BBS9: variants seen among roughly 807,000 people sequenced by gnomAD.
BBS9 encodes the protein Bardet-Biedl syndrome 9.
A neutral mutation model predicts 117.7 loss-of-function variants in BBS9; 89 were observed. The ratio of observed to expected loss-of-function variants is 0.76; its 90% CI spans 0.64 to 0.90. BBS9 has a LOEUF of 0.90. Ranked by LOEUF, BBS9 falls within the 40% of genes least tolerant of loss-of-function variation. The pLI, the probability that BBS9 is intolerant of heterozygous loss-of-function variation, is 0.00. For synonymous variants in BBS9, 379 were observed against 370.9 expected (o/e 1.02, Z -0.25); for missense variants, 982 against 1,042.2 (o/e 0.94, Z 0.80).
chr7:33,205,042 C>G (rs1002800916), intron 5 of BBS9, among the ~76,000 whole-genome samples: 2 of 152,124 alleles, frequency 1.3e-5, no homozygotes, highest in Non-Finnish European at 2.9e-5. Context: ...AAGAGGCAGC[C>G]CAATGAATCC....
chr7:33,501,951 A>G (rs899910655), intron 19 of BBS9, among the ~76,000 whole-genome samples: 2 of 151,610 alleles, frequency 1.3e-5, no homozygotes, highest in East Asian at 1.9e-4. Flanking sequence ...TCACTCTGTC[A>G]CCAGGCTGGA....
intron 19 of BBS9, among the ~76,000 whole-genome samples, chr7:33,431,507 T>C (rs1217004002): frequency 6.6e-6 from 1 of 152,114 alleles, no homozygotes; most frequent in East Asian, 1.9e-4. Context: ...GATTAGATCA[T>C]GAGGGTGGTG....
At chr7:33,304,352 T>A (rs1807364186) in intron 9 of BBS9, among the ~76,000 whole-genome samples, 1 of 131,594 alleles carries the variant, frequency 7.6e-6, no homozygotes, top group African/African-American at 3.2e-5. Context: ...GGCCACCCCG[T>A]CTGGGAGGTG....
At chr7:33,257,976 A>C (rs1274553597) in intron 6 of BBS9, among the ~76,000 whole-genome samples, 1 of 152,208 alleles carries the variant, frequency 6.6e-6, no homozygotes, top group Non-Finnish European at 1.5e-5. Flanking sequence ...CTAGGCAAAT[A>C]GTTTATACTT....
At chr7:33,336,877 T>C (rs1456063583) in intron 10 of BBS9, among the ~76,000 whole-genome samples, 1 of 152,214 alleles carries the variant, frequency 6.6e-6, no homozygotes, top group Non-Finnish European at 1.5e-5. Flanking sequence ...TCTAGTTTTT[T>C]TCTTTACATG....
intron 7 of BBS9, among the ~76,000 whole-genome samples, chr7:33,267,173 C>T (rs1798972851): frequency 6.6e-6 from 1 of 152,046 alleles, no homozygotes; most frequent in East Asian, 1.9e-4. Context: ...GACCTTTATC[C>T]TTTTGTTTGA....
At chr7:33,215,445 G>C (rs1259951836) in intron 5 of BBS9, among the ~76,000 whole-genome samples, 1 of 152,196 alleles carries the variant, frequency 6.6e-6, no homozygotes, top group Non-Finnish European at 1.5e-5. Flanking sequence ...ACAATATGCA[G>C]AAGAATGAAA....
chr7:33,272,870 A>G (rs1259589355), intron 7 of BBS9, 142 bp from the exon 8 acceptor site: 13 of 859,908 alleles, frequency 1.5e-5, no homozygotes, highest in East Asian at 1.3e-4. Flanking sequence ...GTGATAAAAA[A>G]AAGAATAAAG....
At chr7:33,217,925 G>A (rs1318074017) in intron 5 of BBS9, among the ~76,000 whole-genome samples, 5 of 152,068 alleles carry the variant, frequency 3.3e-5, no homozygotes, top group Non-Finnish European at 7.4e-5. Context: ...ATTATTCATT[G>A]GTTGTACATT....
At chr7:33,314,614 A>G (rs1273619919) in intron 9 of BBS9, 1 of 153,050 alleles carries the variant, frequency 6.5e-6, no homozygotes, top group African/African-American at 2.4e-5. Context: ...GTGTGTTTGT[A>G]TTTGCTTATA....
At chr7:33,131,992 A>G (rs1291746340) in intron 1 of BBS9, among the ~76,000 whole-genome samples, 1 of 152,224 alleles carries the variant, frequency 6.6e-6, no homozygotes, top group Non-Finnish European at 1.5e-5. Flanking sequence ...ATTATCTCCC[A>G]TTTATTATTC....
chr7:33,363,088 T>C (rs953682283), intron 16 of BBS9, among the ~76,000 whole-genome samples: 3 of 152,186 alleles, frequency 2.0e-5, no homozygotes, highest in African/African-American at 2.4e-5. Flanking sequence ...TCTTTGCTAA[T>C]ACATAGAAAT....
At position 33,286,491 on chromosome 7, in the gene BBS9, T is replaced by A. The variant is rs76248497; in HGVS notation, c.1016+12535T>A. Among the ~76,000 whole-genome samples, 131 of 152,248 alleles carry A rather than the reference T, an allele frequency of 8.6e-4. 4 individuals are homozygous for A. In the East Asian group the frequency reaches 0.025, roughly 29 times the overall value. On this transcript the variant is annotated intron_variant, in intron 9 of 22. Transcript: ENST00000242067. The stretch of plus-strand genomic sequence containing the variant: ...TTAGAAAACACATGTGATTTAACAT[T>A]TTTTTCTCCTTACTTCAGATAGTGG...
intron 21 of BBS9, among the ~76,000 whole-genome samples, chr7:33,553,076 C>A (rs1028367063): frequency 6.6e-6 from 1 of 152,162 alleles, no homozygotes; most frequent in African/African-American, 2.4e-5. Flanking sequence ...AACATTCCCT[C>A]TCCTGTACCC....
intron 9 of BBS9, among the ~76,000 whole-genome samples, chr7:33,281,550 C>A (rs2128372025): frequency 6.6e-6 from 1 of 150,798 alleles, no homozygotes; most frequent in Admixed American, 6.6e-5. Flanking sequence ...ATTAAAAATT[C>A]TTTTTTTTAT....
At chr7:33,601,492 C>T (rs554699452) in intron 21 of BBS9, among the ~76,000 whole-genome samples, 12 of 152,154 alleles carry the variant, frequency 7.9e-5, no homozygotes, top group African/African-American at 2.4e-4. Context: ...CTTTTGTTTG[C>T]TTAACCTTAA....
intron 4 of BBS9, among the ~76,000 whole-genome samples, chr7:33,159,614 T>C (rs994815305): frequency 1.3e-5 from 2 of 152,166 alleles, no homozygotes; most frequent in Admixed American, 6.5e-5. Context: ...TAGGTGAGAG[T>C]GTGACCAAAA....
In BBS9 at chr7:33,389,412, G is replaced by T. The variant is rs984682794; in HGVS notation, c.2115+1268G>T. Among the ~76,000 whole-genome samples the T allele has an allele frequency of 9.2e-5, 14 of 152,238 alleles. No individual in the cohort carries two copies. In the South Asian group the frequency reaches 2.7e-3, roughly 29 times the overall value. On this transcript the variant is annotated intron_variant, in intron 19 of 22. Coordinates refer to ENST00000242067, the MANE Select transcript of BBS9 (RefSeq NM_198428.3). The stretch of plus-strand genomic sequence containing the variant: ...TTCTTAAAATTTTCTTGGTTAGGCT[G>T]GGCATGGTGGCTCACGCCTGTAATC...
At chr7:33,228,801 GGGA>G (rs1340507537) in intron 5 of BBS9, among the ~76,000 whole-genome samples, 11 of 152,048 alleles carry the variant, frequency 7.2e-5, no homozygotes, top group African/African-American at 2.7e-4. Flanking sequence ...GAATAGGCTG[GGGA>G]GGAGGAGAAA....
Sources: allele counts gnomAD v4.1 joint callset (sites outside exome capture counted in the v4.1 genomes callset), GRCh38; gene constraint gnomAD v4.1.1; transcripts MANE v1.5; gene names NCBI Gene and HGNC (gene_info 2026-07-23, HGNC 2026-07-21).